Variants in TMEM108 observed in about 807,000 individuals in gnomAD.
The protein encoded by TMEM108 is transmembrane protein 108.
TMEM108 carries 12 observed loss-of-function variants against 35.1 expected under a neutral mutation model. The ratio of observed to expected loss-of-function variants is 0.34; its 90% CI spans 0.22 to 0.55. The LOEUF is 0.55. Among genes scored for constraint, TMEM108 ranks in the 20% least tolerant of loss-of-function variants. The probability of loss-of-function intolerance (pLI) is 0.89; values close to 1 mark genes in which losing one functional copy is unlikely to be tolerated. For synonymous variants in TMEM108, 287 were observed against 308.6 expected, an observed-to-expected ratio of 0.93 and a Z score of 0.73; for missense variants, 680 against 753.3, an observed-to-expected ratio of 0.90 and a Z score of 1.14.
At chr3:133,150,685 T>TA (rs917441927) in intron 2 of TMEM108, among the ~76,000 whole-genome samples, 1 of 152,102 alleles carries the variant, frequency 6.6e-6, no homozygotes, top group Non-Finnish European at 1.5e-5. Context: ...AGCTTAGCTT[T>TA]AAAAAAAGCC....
intron 3 of TMEM108, among the ~76,000 whole-genome samples, chr3:133,242,497 A>G (rs532955206): frequency 1.3e-5 from 2 of 152,248 alleles, no homozygotes; most frequent in East Asian, 1.9e-4. Context: ...TTAAAAACCA[A>G]TGTGTTGAGC....
chr3:133,071,522 C>A (rs919391945), intron 2 of TMEM108, among the ~76,000 whole-genome samples: 1 of 152,138 alleles, frequency 6.6e-6, no homozygotes, highest in East Asian at 1.9e-4. Context: ...TAAATTGGGG[C>A]AGGAGGATCA....
At chr3:133,270,257 C>G (rs1353338329) in intron 3 of TMEM108, among the ~76,000 whole-genome samples, 3 of 152,278 alleles carry the variant, frequency 2.0e-5, no homozygotes, top group South Asian at 4.2e-4. Flanking sequence ...CCCTCTGCCT[C>G]CCACCACTAG....
intron 2 of TMEM108, among the ~76,000 whole-genome samples, chr3:133,125,441 A>C (rs140493606): frequency 1.3e-5 from 2 of 152,258 alleles, no homozygotes; most frequent in East Asian, 1.9e-4. Flanking sequence ...TGAACCTCGA[A>C]TGTGCTATTT....
At chr3:133,391,507 G>A (rs2073234590) in intron 5 of TMEM108, among the ~76,000 whole-genome samples, 2 of 152,150 alleles carry the variant, frequency 1.3e-5, no homozygotes, top group South Asian at 2.1e-4. Flanking sequence ...TCCAGTTAAA[G>A]TTCAAAGTCT....
intron 3 of TMEM108, among the ~76,000 whole-genome samples, chr3:133,320,663 C>T (rs3860497): frequency 3.7e-4 from 57 of 152,058 alleles, no homozygotes; most frequent in African/African-American, 1.3e-3. Flanking sequence ...ACAAGAAGCT[C>T]GAAGGAAACC....
At chr3:133,061,074 T>C (rs1484210401) in intron 2 of TMEM108, among the ~76,000 whole-genome samples, 7 of 152,178 alleles carry the variant, frequency 4.6e-5, no homozygotes, top group Non-Finnish European at 1.0e-4. Flanking sequence ...TACATAAAAT[T>C]GTTTGTAAAT....
intron 1 of TMEM108, among the ~76,000 whole-genome samples, chr3:133,045,075 C>T (rs956959786): frequency 2.6e-5 from 4 of 151,352 alleles, no homozygotes; most frequent in African/African-American, 9.7e-5. Flanking sequence ...TCACGCCATT[C>T]TCCTGCCTCA....
chr3:133,329,653 C>T (rs554277571), intron 3 of TMEM108, among the ~76,000 whole-genome samples: 1 of 152,078 alleles, frequency 6.6e-6, no homozygotes, highest in South Asian at 2.1e-4. Context: ...AGAAAGCCTC[C>T]TTTTTTTTAT....
chr3:133,250,590 G>T (rs1559882410), intron 3 of TMEM108, among the ~76,000 whole-genome samples: 1 of 152,194 alleles, frequency 6.6e-6, no homozygotes, highest in Non-Finnish European at 1.5e-5. Flanking sequence ...TTCCTGCATT[G>T]TTCAAGGGTC....
chr3:133,289,840 G>A (rs537682414), intron 3 of TMEM108, among the ~76,000 whole-genome samples: 17 of 152,086 alleles, frequency 1.1e-4, no homozygotes, highest in Non-Finnish European at 2.2e-4. Flanking sequence ...CCTGCATTAC[G>A]TTATGCCACC....
intron 3 of TMEM108, chr3:133,378,547 G>C: frequency 5.1e-6 from 5 of 985,464 alleles, no homozygotes; most frequent in Non-Finnish European, 6.0e-6. Context: ...GAACAAGGAG[G>C]TGCTAACAGG....
chr3:133,206,408 T>G (rs1294743485), intron 2 of TMEM108, among the ~76,000 whole-genome samples: 1 of 152,266 alleles, frequency 6.6e-6, no homozygotes, highest in East Asian at 1.9e-4. Context: ...TCAGCCTTTT[T>G]GGGCAGGTTT....
chr3:133,117,784 A>T (rs902899153), intron 2 of TMEM108, among the ~76,000 whole-genome samples: 4 of 152,184 alleles, frequency 2.6e-5, no homozygotes, highest in Admixed American at 6.5e-5. Context: ...TGGAAAAAAA[A>T]TCAGAGGTGT....
chr3:133,304,958 C>G (rs575757054), intron 3 of TMEM108, among the ~76,000 whole-genome samples: 1 of 152,204 alleles, frequency 6.6e-6, no homozygotes, highest in Admixed American at 6.5e-5. Flanking sequence ...TGGCGCACAC[C>G]TGTAATCCCA....
rs578193383 is a variant in TMEM108, at chr3:133,305,775, A to G, written c.41-73977A>G. 1.8e-4 allele frequency among the ~76,000 whole-genome samples: 27 copies of G among 152,184 alleles called. No individual in the cohort carries two copies. The South Asian group carries it at 5.4e-3, about 30-fold the overall frequency. Reference sequence around the variant, plus strand: ...TTGTATTGTCTTTTTTGTTACAGCCATTCTAGTGAATATGAAGTGATATTC... The same window carrying G: ...TTGTATTGTCTTTTTTGTTACAGCCGTTCTAGTGAATATGAAGTGATATTC... On this transcript the variant is annotated intron_variant, in intron 3 of 5. Transcript: ENST00000321871.
intron 3 of TMEM108, among the ~76,000 whole-genome samples, chr3:133,379,028 C>T (rs138442280): frequency 0.012 from 1,770 of 152,222 alleles, 17 homozygotes; most frequent in South Asian, 0.021. Flanking sequence ...AGACCCCGGT[C>T]CTCTTCTGCC....
chr3:133,109,297 T>A (rs1944197641), intron 2 of TMEM108, among the ~76,000 whole-genome samples: 1 of 152,128 alleles, frequency 6.6e-6, no homozygotes, highest in African/African-American at 2.4e-5. Flanking sequence ...TACAATACTC[T>A]ATAACTTGTG....
chr3:133,051,143 T>A (rs1943400096), intron 2 of TMEM108, among the ~76,000 whole-genome samples: 1 of 152,018 alleles, frequency 6.6e-6, no homozygotes, highest in African/African-American at 2.4e-5. Context: ...TGAATGAGAG[T>A]TCTTGTTGCA....
Sources: gnomAD v4.1 joint callset for allele counts (sites outside exome capture counted in the v4.1 genomes callset) on GRCh38, gnomAD v4.1.1 for gene constraint, MANE v1.5 for transcripts, NCBI Gene and HGNC (gene_info 2026-07-23, HGNC 2026-07-21) for gene names.